The following PRR16 variants were observed in gnomAD, a reference collection of about 807,000 sequenced individuals.
PRR16 encodes proline rich 16.
PRR16 carries 6 observed loss-of-function variants against 18.2 expected under a neutral mutation model. The observed-to-expected ratio is 0.33, with a 90% CI of 0.18 to 0.65. The LOEUF (loss-of-function observed/expected upper bound fraction) is 0.65. Ranked by LOEUF, PRR16 falls within the 30% of genes least tolerant of loss-of-function variation. PRR16 has a pLI of 0.74. For missense variants in PRR16, 412 were observed against 376.6 expected, an observed-to-expected ratio of 1.09 and a Z score of -0.78; for synonymous variants, 151 against 147.8, an observed-to-expected ratio of 1.02 and a Z score of -0.16.
intron 1 of PRR16, among the ~76,000 whole-genome samples, chr5:120,643,178 A>G (rs1374875512): frequency 7.3e-6 from 1 of 136,410 alleles, no homozygotes; most frequent in African/African-American, 2.8e-5. Context: ...GAAGAGACAT[A>G]CAGGTTTTCT....
chr5:120,660,725 A>C (rs1377740064), intron 1 of PRR16, among the ~76,000 whole-genome samples: 1 of 152,002 alleles, frequency 6.6e-6, no homozygotes, highest in African/African-American at 2.4e-5. Context: ...AACTTTTACT[A>C]TATAGGCACT....
At chr5:120,653,719 G>C (rs1206723908) in intron 1 of PRR16, among the ~76,000 whole-genome samples, 1 of 151,910 alleles carries the variant, frequency 6.6e-6, no homozygotes, top group African/African-American at 2.4e-5. Context: ...AGTTAATGCA[G>C]TCATTTATTC....
At chr5:120,656,625 T>G (rs1274847083) in intron 1 of PRR16, among the ~76,000 whole-genome samples, 1 of 151,996 alleles carries the variant, frequency 6.6e-6, no homozygotes, top group Non-Finnish European at 1.5e-5. Flanking sequence ...AACATATTTA[T>G]GTACACCTTG....
chr5:120,592,003 G>A (rs1753650437), intron 1 of PRR16, among the ~76,000 whole-genome samples: 1 of 152,040 alleles, frequency 6.6e-6, no homozygotes, highest in Admixed American at 6.6e-5. Flanking sequence ...TGCTGTTATA[G>A]TCTTTATTTA....
chr5:120,633,090 A>G (rs1352968464), intron 1 of PRR16, among the ~76,000 whole-genome samples: 6 of 85,650 alleles, frequency 7.0e-5, no homozygotes, highest in African/African-American at 1.8e-4. Flanking sequence ...CTCCTTAAAC[A>G]TAACAATTAT....
intron 1 of PRR16, among the ~76,000 whole-genome samples, chr5:120,488,498 C>T (rs1749899504): frequency 6.6e-6 from 1 of 152,104 alleles, no homozygotes; most frequent in African/African-American, 2.4e-5. Flanking sequence ...GGTGATATCC[C>T]ATTTATCATT....
intron 1 of PRR16, among the ~76,000 whole-genome samples, chr5:120,646,878 A>G (rs10434769): frequency 0.23 from 34,964 of 151,956 alleles, 5,450 homozygotes; most frequent in African/African-American, 0.44. Flanking sequence ...CAACAGAATA[A>G]TAGATATCAG....
At chr5:120,736,434 T>G in the PRR16 span, among the ~76,000 whole-genome samples, 1 of 152,034 alleles carries the variant, frequency 6.6e-6, no homozygotes, top group South Asian at 2.1e-4. Context: ...CCAGCTAATT[T>G]TTGTATTTTT....
At chr5:120,468,038 A>T (rs1749158627) in intron 1 of PRR16, among the ~76,000 whole-genome samples, 1 of 152,182 alleles carries the variant, frequency 6.6e-6, no homozygotes, top group Admixed American at 6.5e-5. Flanking sequence ...GCAGTATAAA[A>T]AGACATTGTG....
At chr5:120,608,323 A>ATTT (rs1264125090) in intron 1 of PRR16, among the ~76,000 whole-genome samples, 1 of 152,186 alleles carries the variant, frequency 6.6e-6, no homozygotes, top group East Asian at 1.9e-4. Context: ...TGTAAAACAG[A>ATTT]TTTATTAGAC....
intron 1 of PRR16, among the ~76,000 whole-genome samples, chr5:120,502,606 G>A (rs1750501349): frequency 6.6e-6 from 1 of 152,132 alleles, no homozygotes; most frequent in East Asian, 1.9e-4. Context: ...GCCATCTACT[G>A]TGGGAATTCA....
At chr5:120,710,555 T>A in the PRR16 span, 1 of 152,208 alleles carries the variant, frequency 6.6e-6, no homozygotes, top group Non-Finnish European at 1.5e-5. Flanking sequence ...TCACTCCAAG[T>A]TACACTCTAG....
At chr5:120,486,055 G>A (rs1334603211) in intron 1 of PRR16, among the ~76,000 whole-genome samples, 2 of 152,078 alleles carry the variant, frequency 1.3e-5, no homozygotes, top group African/African-American at 2.4e-5. Flanking sequence ...ATCATTGTTG[G>A]ACATTTGGGT....
chr5:120,762,930 TTTGAG>T, the PRR16 span, among the ~76,000 whole-genome samples: 6 of 152,174 alleles, frequency 3.9e-5, no homozygotes, highest in Non-Finnish European at 7.3e-5. Context: ...TTTCATTCAC[TTTGAG>T]TTGATTTTTG....
chr5:120,484,483 G>T (rs2691098), intron 1 of PRR16, among the ~76,000 whole-genome samples: 114,759 of 143,550 alleles, frequency 0.8, 45,987 homozygotes, highest in East Asian at 0.97. Context: ...TATATAATTA[G>T]ATATGATATA....
chr5:120,544,731 G>C (rs140183738), intron 1 of PRR16, among the ~76,000 whole-genome samples: 9 of 151,972 alleles, frequency 5.9e-5, no homozygotes, highest in African/African-American at 1.9e-4. Context: ...GTAGAGATAG[G>C]GTCTCACTAT....
chr5:120,745,236 ATATT>A, the PRR16 span, among the ~76,000 whole-genome samples: 1 of 152,016 alleles, frequency 6.6e-6, no homozygotes, highest in African/African-American at 2.4e-5. Context: ...ATTCTTCTCT[ATATT>A]TGTTTGATGA....
chr5:120,634,494 T>C (rs1755163101), intron 1 of PRR16, among the ~76,000 whole-genome samples: 1 of 152,002 alleles, frequency 6.6e-6, no homozygotes, highest in Admixed American at 6.6e-5. Context: ...AATATAAAAA[T>C]TAGCTGGACA....
rs200176039 is a variant in PRR16, at chr5:120,679,690, G to GC, written c.160-6262dup. 1.2e-3 allele frequency among the ~76,000 whole-genome samples: 187 copies of GC among 152,152 alleles called. 2 individuals are homozygous for GC. In the East Asian group the frequency reaches 0.024, roughly 19 times the overall value. On this transcript the variant is annotated intron_variant, in intron 1 of 1. Coordinates refer to ENST00000407149, the MANE Select transcript of PRR16 (RefSeq NM_001300783.2). ...CTTAAGAGAAAGGGGAAGAAACCCT[G>GC]CCGTTTGCCACACACGGATGGACTT...
Sources: gnomAD v4.1 joint callset for allele counts (sites outside exome capture counted in the v4.1 genomes callset) on GRCh38, gnomAD v4.1.1 for gene constraint, MANE v1.5 for transcripts, NCBI Gene and HGNC (gene_info 2026-07-23, HGNC 2026-07-21) for gene names.